OR56A3: variants seen among roughly 807,000 people sequenced by gnomAD.
OR56A3 encodes the protein olfactory receptor family 56 subfamily A member 3, also known as olfactory receptor 56A3.
In OR56A3, 23 loss-of-function variants were observed where a neutral mutation model predicts 17.5. The observed-to-expected ratio is 1.32, with a 90% CI of 0.95 to 1.87. The LOEUF is 1.87. OR56A3 is among the 40% of genes most tolerant of loss of function. The probability of loss-of-function intolerance (pLI) is 0.00; values close to 1 mark genes in which losing one functional copy is unlikely to be tolerated. For synonymous variants in OR56A3, 175 were observed against 150.6 expected (o/e 1.16, Z -1.19); for missense variants, 366 against 380.1 (o/e 0.96, Z 0.31).
At chr11:6,004,467 T>C in the OR56A3 span, among the ~76,000 whole-genome samples, 1 of 152,220 alleles carries the variant, frequency 6.6e-6, no homozygotes, top group Admixed American at 6.5e-5. Context: ...GATTGAGGTG[T>C]GCATGAGAAG....
At chr11:6,007,529 C>A in the OR56A3 span, among the ~76,000 whole-genome samples, 1 of 151,900 alleles carries the variant, frequency 6.6e-6, no homozygotes, top group Non-Finnish European at 1.5e-5. Context: ...CAGTGTGATG[C>A]ACTCTATGTG....
the OR56A3 span, chr11:5,994,759 G>A: frequency 1.3e-6 from 1 of 766,000 alleles, no homozygotes; most frequent in Non-Finnish European, 2.4e-6. Flanking sequence ...GAGCCCTCTG[G>A]TCCTCAAAGG....
the OR56A3 span, chr11:5,986,323 A>C: frequency 3.1e-6 from 5 of 1,613,950 alleles, no homozygotes; most frequent in Non-Finnish European, 4.2e-6. Flanking sequence ...GGCAAGTTTC[A>C]CAACAGCCAT....
the OR56A3 span, among the ~76,000 whole-genome samples, chr11:5,989,998 T>C: frequency 4.6e-5 from 7 of 152,330 alleles, no homozygotes; most frequent in African/African-American, 1.2e-4. Flanking sequence ...TTTTGTGAAG[T>C]TGTGCTCAAA....
At chr11:5,952,467 ACATT>A (rs1847912931), downstream of OR56A3, among the ~76,000 whole-genome samples, 2 of 152,130 alleles carry the variant, frequency 1.3e-5, no homozygotes, top group African/African-American at 4.8e-5. Context: ...CAATACTAAG[ACATT>A]CACTTTCCAA....
chr11:5,990,841 C>T, the OR56A3 span, among the ~76,000 whole-genome samples: 1 of 152,124 alleles, frequency 6.6e-6, no homozygotes, highest in Admixed American at 6.5e-5. Context: ...CTCAGGTCAG[C>T]CTGGAGGGAG....
chr11:5,971,220 C>T, the OR56A3 span, among the ~76,000 whole-genome samples: 2 of 152,212 alleles, frequency 1.3e-5, no homozygotes, highest in African/African-American at 4.8e-5. Flanking sequence ...TTCATACATA[C>T]AGCACCACCA....
chr11:5,967,225 T>C, the OR56A3 span: 17 of 228,152 alleles, frequency 7.5e-5, no homozygotes, highest in African/African-American at 3.7e-4. Context: ...TTGAGAAACA[T>C]TTAAAATAAT....
the OR56A3 span, chr11:6,019,842 C>T: frequency 5.3e-5 from 8 of 152,208 alleles, no homozygotes; most frequent in African/African-American, 1.7e-4. Context: ...GTATTCAATT[C>T]GTCAGTCACT....
rs1590447843 is a variant in OR56A3 at position 5,951,096 on chromosome 11, G to C, written c.*2802G>C. 1 of 152,036 alleles carries C rather than the reference G, an allele frequency of 6.6e-6. No homozygotes were observed. Among genetic ancestry groups the C allele is most frequent in the Non-Finnish European group, 1.5e-5 (1 of 67,962 alleles). The allele number at this position is 152,036 out of a possible 1,614,324, so 9.4% of individuals were successfully genotyped here. ...AGTGCTAAATCTTGGAAACCAAGGT[G>C]AGAAGATTTATTTTTAAAAGAAGTT... On this transcript the variant is annotated 3_prime_UTR_variant, in exon 3 of 3. Transcript: ENST00000641160.
At chr11:5,980,177 G>A in the OR56A3 span, among the ~76,000 whole-genome samples, 8 of 152,126 alleles carry the variant, frequency 5.3e-5, no homozygotes, top group African/African-American at 1.9e-4. Flanking sequence ...GTTGGGTGGA[G>A]TGTTCTGTAG....
At chr11:5,991,822 C>G in the OR56A3 span, among the ~76,000 whole-genome samples, 1 of 152,110 alleles carries the variant, frequency 6.6e-6, no homozygotes, top group African/African-American at 2.4e-5. Context: ...TGACTGTGAG[C>G]ACCACTGGGC....
chr11:5,981,560 A>G, the OR56A3 span, among the ~76,000 whole-genome samples: 3 of 152,116 alleles, frequency 2.0e-5, no homozygotes, highest in African/African-American at 4.8e-5. Context: ...CAGCTCTTCT[A>G]TCATTTTACT....
the OR56A3 span, chr11:5,986,788 G>C: frequency 5.0e-6 from 8 of 1,613,886 alleles, no homozygotes; most frequent in South Asian, 7.7e-5. Context: ...GATGCCCAGG[G>C]GCAGTGCAAT....
At chr11:5,957,926 TAGTTATCCAGA>T in the OR56A3 span, among the ~76,000 whole-genome samples, 1 of 152,310 alleles carries the variant, frequency 6.6e-6, no homozygotes, top group Admixed American at 6.5e-5. Context: ...TATGAAATTC[TAGTTATCCAGA>T]AATCAGAAAA....
At chr11:6,020,047 G>A in the OR56A3 span, 1 of 152,056 alleles carries the variant, frequency 6.6e-6, no homozygotes, top group African/African-American at 2.4e-5. Context: ...TTCAGAAAAT[G>A]TATCAAGGTT....
At position 5,950,284 on chromosome 11, in the gene OR56A3, G is replaced by T. The variant is rs1351747552; in HGVS notation, c.*1990G>T. 1.3e-5 allele frequency: 2 copies of T among 152,044 alleles called. No homozygotes were observed. The highest frequency in any genetic ancestry group is 4.8e-5 in the African/African-American group (2 of 41,420). 9.4% of individuals were successfully genotyped at this position (152,044 alleles called of 1,614,324 possible). A position where few individuals can be genotyped will look rare whatever the true frequency, so the allele number is the denominator to read the frequency against. On this transcript the variant is annotated 3_prime_UTR_variant, in exon 3 of 3. Transcript: ENST00000641160. ...AAGATAACCTTGGGTGCCAGGAAAA[G>T]GACATATTGAGGGATTTAGAGTACA...
chr11:5,968,380 G>A, the OR56A3 span: 2 of 1,613,810 alleles, frequency 1.2e-6, no homozygotes, highest in Non-Finnish European at 1.7e-6. Flanking sequence ...ATGGCCAGGA[G>A]GAAGAGGAGG....
the OR56A3 span, among the ~76,000 whole-genome samples, chr11:5,969,419 C>T: frequency 2.0e-5 from 3 of 152,228 alleles, no homozygotes; most frequent in South Asian, 2.1e-4. Flanking sequence ...TGCAAGTCCT[C>T]TACTTCCCAT....
Sources: gnomAD v4.1 joint callset for allele counts (sites outside exome capture counted in the v4.1 genomes callset) on GRCh38, gnomAD v4.1.1 for gene constraint, MANE v1.5 for transcripts, NCBI Gene and HGNC (gene_info 2026-07-23, HGNC 2026-07-21) for gene names.